ELP5: variants seen among roughly 807,000 people sequenced by gnomAD.
ELP5 encodes elongator complex protein 5.
Under a neutral mutation model 33.4 loss-of-function variants are expected in ELP5, and 34 were observed. The observed-to-expected ratio is 1.02, with a 90% CI of 0.78 to 1.36. The LOEUF is 1.36. Among genes scored for constraint, ELP5 ranks in the 40% most tolerant of loss-of-function variants. ELP5 has a pLI of 0.00. For synonymous variants in ELP5, 161 were observed against 146.4 expected (o/e 1.10, Z -0.72); for missense variants, 373 against 371.7 (o/e 1.00, Z -0.03).
Position 7,258,617 on chromosome 17 carries a change from C to T in ELP5, c.621C>T (p.Phe207=). 6.2e-7 allele frequency: 1 copy of T among 1,614,200 alleles called. No homozygotes were observed. The highest frequency in any genetic ancestry group is 8.5e-7 in the Non-Finnish European group (1 of 1,180,038). The change falls in exon 6 of 8, where the codon TTC becomes TTT. Residue 207 remains phenylalanine (F), a synonymous_variant. Transcript: ENST00000396628. The part of the protein sequence containing the change: ...QTQWFSILPD[F]SLDLQEGPSV... The stretch of plus-strand genomic sequence containing the variant: ...AGTGGTTCTCCATCCTTCCGGACTT[C>T]AGCCTGGATCTCCAAGAGGGGCCCT...
chr17:7,252,710 G>A, intron 1 of ELP5, 60 bp from the exon 2 acceptor site: 1 of 1,611,606 alleles, frequency 6.2e-7, no homozygotes, highest in South Asian at 1.1e-5. Context: ...AATCGCGACG[G>A]GTTCGCGAAG....
At position 7,258,840 on chromosome 17, in the gene ELP5, T is replaced by C. The variant is rs1597587690; in HGVS notation, c.702T>C (p.Thr234=). ...TGTACCTACAGGTGGATCCCACAAC[T>C]CATTTGACCTTTAACCTTCACCTGT... ...DPHIPPVDPT[T]HLTFNLHLSK... is the part of the protein sequence containing the mutation. The change falls in exon 7 of 8, where the codon ACT becomes ACC. Residue 234 remains threonine (T), a synonymous_variant. Coordinates refer to ENST00000396628, the MANE Select transcript of ELP5 (RefSeq NM_203414.3). 6.2e-7 allele frequency: 1 copy of C among 1,614,152 alleles called. No homozygotes were observed. Among genetic ancestry groups the C allele is most frequent in the African/African-American group, 1.3e-5 (1 of 75,006 alleles).
intron 3 of ELP5, 58 bp downstream of exon 3, chr17:7,253,056 T>G: frequency 6.4e-7 from 1 of 1,556,588 alleles, no homozygotes; most frequent in Non-Finnish European, 8.9e-7. Flanking sequence ...CTAAGGAAAT[T>G]TCTTTACAAC....
chr17:7,255,691 C>T (rs2072060458), intron 4 of ELP5, among the ~76,000 whole-genome samples: 1 of 152,226 alleles, frequency 6.6e-6, no homozygotes, highest in Non-Finnish European at 1.5e-5. Flanking sequence ...CATTGCTTCA[C>T]TTTCCCCTGT....
upstream of ELP5, chr17:7,251,868 GC>G (rs2071937560): frequency 6.4e-6 from 1 of 155,220 alleles, no homozygotes; most frequent in Non-Finnish European, 1.4e-5. Context: ...GGCCGGAGCG[GC>G]CTCCCCCTCC....
intron 7 of ELP5, 164 bp from the exon 8 acceptor site, chr17:7,259,407 T>C: frequency 6.9e-7 from 1 of 1,445,220 alleles, no homozygotes. Flanking sequence ...CAGTACCAAA[T>C]GGTGCTTCAG....
chr17:7,259,429 A>G, intron 7 of ELP5, 142 bp from the exon 8 acceptor site: 2 of 1,468,914 alleles, frequency 1.4e-6, no homozygotes, highest in Non-Finnish European at 1.8e-6. Flanking sequence ...TCTAACATGG[A>G]GGTCAGAGAA....
chr17:7,257,218 A>G (rs374442649), intron 5 of ELP5, among the ~76,000 whole-genome samples, 180 bp downstream of exon 5: 22 of 152,220 alleles, frequency 1.4e-4, no homozygotes, highest in African/African-American at 5.3e-4. Flanking sequence ...TGATCCTTCC[A>G]CCTCAGCCTC....
At chr17:7,256,433 T>C (rs1298385362) in intron 4 of ELP5, among the ~76,000 whole-genome samples, 1 of 152,208 alleles carries the variant, frequency 6.6e-6, no homozygotes, top group Non-Finnish European at 1.5e-5. Context: ...TCAAACATTG[T>C]GTTAAAGCGT....
At chr17:7,257,968 T>A (rs985275221) in intron 5 of ELP5, among the ~76,000 whole-genome samples, 1 of 151,876 alleles carries the variant, frequency 6.6e-6, no homozygotes, top group Admixed American at 6.6e-5. Flanking sequence ...TTCGGGAGGC[T>A]GAGGTGGGAG....
At position 7,259,734 on chromosome 17, in the gene ELP5, T is replaced by C. The variant is rs1283155735; in HGVS notation, c.*49T>C. The C allele has an allele frequency of 4.3e-6, 7 of 1,611,364 alleles. No individual in the cohort carries two copies. The African/African-American group carries it at 9.3e-5, about 21-fold the overall frequency. On this transcript the variant is annotated 3_prime_UTR_variant, in exon 8 of 8. Coordinates refer to ENST00000396628, the MANE Select transcript of ELP5 (RefSeq NM_203414.3). Reference sequence around the variant, plus strand: ...AATTGGAGGGGGCGCGGGAAGACTTTGGGCCCAGAACCATCTTTCTATTGT... The same window carrying C: ...AATTGGAGGGGGCGCGGGAAGACTTCGGGCCCAGAACCATCTTTCTATTGT...
At chr17:7,253,310 A>T (rs538921976) in intron 3 of ELP5, among the ~76,000 whole-genome samples, 1 of 152,306 alleles carries the variant, frequency 6.6e-6, no homozygotes, top group South Asian at 2.1e-4. Context: ...ACCAACTATC[A>T]ACCAGGTGCT....
At chr17:7,257,176 G>A (rs1338854347) in intron 5 of ELP5, 138 bp downstream of exon 5, 2 of 942,620 alleles carry the variant, frequency 2.1e-6, no homozygotes, top group South Asian at 1.9e-5. Context: ...TCACTGTGTT[G>A]GTCAGGGTGG....
Position 7,259,816 on chromosome 17 carries a change from C to A in ELP5, c.*131C>A. The stretch of plus-strand genomic sequence containing the variant: ...CTTGGTTCCCCTTGTCTATGGAGCC[C>A]CGCCTTGTGAGCCAGGAAGCAGCGT... On this transcript the variant is annotated 3_prime_UTR_variant, in exon 8 of 8. Coordinates refer to ENST00000396628, the MANE Select transcript of ELP5 (RefSeq NM_203414.3). The A allele has an allele frequency of 6.8e-7, 1 of 1,460,974 alleles. No homozygotes were observed. The highest frequency in any genetic ancestry group is 9.1e-7 in the Non-Finnish European group (1 of 1,101,758). 90.5% of individuals were successfully genotyped at this position (1,460,974 alleles called of 1,614,324 possible).
intron 4 of ELP5, 93 bp downstream of exon 4, chr17:7,254,896 T>C: frequency 9.6e-7 from 1 of 1,044,668 alleles, no homozygotes; most frequent in Non-Finnish European, 1.4e-6. Flanking sequence ...AACATCTGGG[T>C]TCTCCAGTCA....
rs1310962187 is a variant in ELP5 at position 7,253,712 on chromosome 17, A to G, written c.188+714A>G. ...GTGGTGTATGTTCAGATGGCATTCC[A>G]TGGCTGGGCGCGGTGGCTCACGCCT... On this transcript the variant is annotated intron_variant, in intron 3 of 7. Transcript: ENST00000396628. Among the ~76,000 whole-genome samples, 3 of 152,318 alleles carry G rather than the reference A, an allele frequency of 2.0e-5. No individual in the cohort carries two copies. In the East Asian group the frequency reaches 5.8e-4, roughly 29 times the overall value.
intron 4 of ELP5, 188 bp downstream of exon 4, chr17:7,254,991 T>TC: frequency 3.4e-6 from 2 of 581,810 alleles, no homozygotes; most frequent in South Asian, 2.2e-5. Flanking sequence ...TGCTTTTTTT[T>TC]CTCCAAGTTA....
In ELP5 at chr17:7,254,735, T is replaced by G. The variant is rs1475631087; in HGVS notation, c.341T>G (p.Leu114Arg). 6 of 1,614,174 alleles carry G rather than the reference T, an allele frequency of 3.7e-6. No individual in the cohort carries two copies. Among genetic ancestry groups the G allele is most frequent in the Non-Finnish European group, 4.2e-6 (5 of 1,180,038 alleles). Residue 114 changes from leucine to arginine, a missense_variant, in exon 4 of 8, where the codon CTA becomes CGA. By Grantham distance (102) the Leu-to-Arg change is moderately radical. Coordinates refer to ENST00000396628, the MANE Select transcript of ELP5 (RefSeq NM_203414.3). ...GCTCTCGATTCACTCAGCTGGCTGC[T>G]ACTTCGCCTTCCCTGCACCACACTC... ...TIALDSLSWLLLRLPCTTLCQ... is the reference protein window; with the variant it reads ...TIALDSLSWLRLRLPCTTLCQ...
rs778411564 is a variant in ELP5 at position 7,259,722 on chromosome 17, G to A, written c.*37G>A. The A allele has an allele frequency of 6.2e-6, 10 of 1,613,384 alleles. No homozygotes were observed. Among genetic ancestry groups the A allele is most frequent in the South Asian group, 1.1e-5 (1 of 91,052 alleles). On this transcript the variant is annotated 3_prime_UTR_variant, in exon 8 of 8. Transcript: ENST00000396628. The stretch of plus-strand genomic sequence containing the variant: ...TGATTAGATTGTAATTGGAGGGGGC[G>A]CGGGAAGACTTTGGGCCCAGAACCA...
Sources: gnomAD v4.1 joint callset for allele counts (sites outside exome capture counted in the v4.1 genomes callset) on GRCh38, gnomAD v4.1.1 for gene constraint, MANE v1.5 for transcripts, NCBI Gene and HGNC (gene_info 2026-07-23, HGNC 2026-07-21) for gene names.